The following KRT86 variants were observed in gnomAD, a reference collection of about 807,000 sequenced individuals.
KRT86 encodes the protein keratin, type II cuticular Hb6.
KRT86 carries 30 observed loss-of-function variants against 41.2 expected under a neutral mutation model. The ratio of observed to expected loss-of-function variants is 0.73; its 90% CI spans 0.54 to 0.99. KRT86 has a LOEUF of 0.99. Ranked by LOEUF, KRT86 falls within the 50% of genes least tolerant of loss-of-function variation. The probability of loss-of-function intolerance (pLI) is 0.00; values close to 1 mark genes in which losing one functional copy is unlikely to be tolerated. For missense variants in KRT86, 561 were observed against 571.4 expected (o/e 0.98, Z 0.19); for synonymous variants, 238 against 238.1 (o/e 1.00, Z 0.00).
chr12:52,281,821 C>T (rs1435352742), intron 2 of KRT86, among the ~76,000 whole-genome samples: 2 of 152,210 alleles, frequency 1.3e-5, no homozygotes, highest in Non-Finnish European at 2.9e-5. Context: ...TCACTGCAGC[C>T]TCAACCTCCT....
Position 52,296,787 on chromosome 12 carries a change from C to T in KRT86, c.-4-5126C>T, listed in dbSNP as rs544699557. On this transcript the variant is annotated intron_variant, in intron 2 of 10. Transcript: ENST00000423955. ...ACTTCCTTCACTGGACCCTGGCCTG[C>T]ACCTGCTTTCTATGAGTAGAAAGCA... 2.0e-5 allele frequency among the ~76,000 whole-genome samples: 3 copies of T among 152,338 alleles called. No homozygotes were observed. In the South Asian group the frequency reaches 6.2e-4, roughly 32 times the overall value.
chr12:52,276,882 T>C (rs1291973632), intron 2 of KRT86, among the ~76,000 whole-genome samples: 3 of 152,230 alleles, frequency 2.0e-5, no homozygotes, highest in Non-Finnish European at 4.4e-5. Flanking sequence ...TTTTCTTGCT[T>C]TCTGCAGATG....
chr12:52,307,944 C>T (rs1174473965), intron 9 of KRT86, among the ~76,000 whole-genome samples: 1 of 152,238 alleles, frequency 6.6e-6, no homozygotes, highest in Non-Finnish European at 1.5e-5. Context: ...ATTCAGTCCT[C>T]GCAAGAGATC....
intron 2 of KRT86, among the ~76,000 whole-genome samples, chr12:52,297,971 C>G (rs1202268342): frequency 6.6e-6 from 1 of 152,166 alleles, no homozygotes; most frequent in Non-Finnish European, 1.5e-5. Context: ...TAGGATCAGG[C>G]AAAAATAAAG....
At chr12:52,307,698 AAC>A (rs1486332681) in intron 9 of KRT86, among the ~76,000 whole-genome samples, 3 of 152,210 alleles carry the variant, frequency 2.0e-5, no homozygotes, top group African/African-American at 7.2e-5. Flanking sequence ...TTGTTTATCT[AAC>A]AGTTTTGTAT....
chr12:52,286,310 C>A, intron 2 of KRT86: 2 of 1,554,590 alleles, frequency 1.3e-6, no homozygotes, highest in South Asian at 2.4e-5. Flanking sequence ...GCTGATACCA[C>A]AGGAGCCCAC....
chr12:52,302,177 C>T lies in KRT86; in HGVS notation c.261C>T (p.Leu87=). 1 of 1,388,164 alleles carries T rather than the reference C, an allele frequency of 7.2e-7. No homozygotes were observed. The highest frequency in any genetic ancestry group is 1.3e-5 in the South Asian group (1 of 76,380). The allele number at this position is 1,388,164 out of a possible 1,614,324, so 86.0% of individuals were successfully genotyped here. ...CITTVSVNES[L]LTPLNLEIDP... ...CCACCGTGTCGGTCAACGAGAGCCT[C>T]CTCACGCCCCTCAACCTGGAGATCG... is the stretch of plus-strand genomic sequence containing the variant. Residue 87 remains leucine, a synonymous_variant, in exon 3 of 11, where the codon CTC becomes CTT. Transcript: ENST00000423955.
intron 7 of KRT86, 86 bp from the exon 8 acceptor site, chr12:52,305,577 C>T: frequency 6.2e-7 from 1 of 1,610,326 alleles, no homozygotes; most frequent in South Asian, 1.1e-5. Context: ...AGGCTGAGCA[C>T]TGCACAACCT....
chr12:52,287,373 A>T (rs138190669), intron 2 of KRT86: 1 of 1,606,322 alleles, frequency 6.2e-7, no homozygotes, highest in Non-Finnish European at 8.5e-7. Flanking sequence ...GGTCTCTCTG[A>T]TGCTCATCCA....
At chr12:52,297,319 T>C (rs949387) in intron 2 of KRT86, among the ~76,000 whole-genome samples, 76,979 of 152,068 alleles carry the variant, frequency 0.51, 20,016 homozygotes, top group African/African-American at 0.64. Flanking sequence ...CTCATGAATT[T>C]GGATATGCTC....
chr12:52,304,811 G>A (rs1054805895), intron 5 of KRT86, 121 bp from the exon 6 acceptor site: 69 of 1,088,532 alleles, frequency 6.3e-5, no homozygotes, highest in Non-Finnish European at 9.1e-5. Context: ...GAAGGAGAGG[G>A]CATGGGAATG....
rs763786271 is a variant in KRT86, at chr12:52,305,316, T to G, written c.812T>G (p.Met271Arg). The change falls in exon 7 of 11, where the codon ATG (methionine) becomes AGG (arginine). Residue 271 changes from methionine to arginine, a missense_variant. Physicochemically the swap from Met to Arg is moderately conservative, Grantham distance 91. Around this residue, in one of 3 missense-constraint regions of KRT86, gnomAD observed 397 missense variants for 375.9 expected, o/e 1.06. Transcript: ENST00000423955. The part of the protein sequence containing the change: ...VKLDNSRDLN[M>R]DCIIAEIKAQ... ...CTGGACAACAGCCGGGACCTGAACA[T>G]GGACTGCATCATTGCCGAGATCAAG... is the stretch of plus-strand genomic sequence containing the variant. 2 of 1,614,214 alleles carry G rather than the reference T, an allele frequency of 1.2e-6. No individual in the cohort carries two copies. The highest frequency in any genetic ancestry group is 1.7e-6 in the Non-Finnish European group (2 of 1,180,036).
At chr12:52,282,387 CGTG>C in intron 2 of KRT86, among the ~76,000 whole-genome samples, 1 of 152,262 alleles carries the variant, frequency 6.6e-6, no homozygotes, top group African/African-American at 2.4e-5. Flanking sequence ...CGCCTGCCAC[CGTG>C]ATGGGCTAAT....
chr12:52,289,172 T>A, intron 2 of KRT86: 1 of 231,888 alleles, frequency 4.3e-6, no homozygotes, highest in Non-Finnish European at 7.9e-6. Context: ...TCTGTCATTC[T>A]GAGATCCCAC....
intron 2 of KRT86, among the ~76,000 whole-genome samples, chr12:52,284,324 G>C (rs1297875958): frequency 6.6e-6 from 1 of 152,156 alleles, no homozygotes; most frequent in East Asian, 1.9e-4. Context: ...TAAGTAGCTG[G>C]GACTATAGGT....
intron 2 of KRT86, among the ~76,000 whole-genome samples, chr12:52,292,452 G>A (rs1938150957): frequency 6.6e-6 from 1 of 152,168 alleles, no homozygotes; most frequent in African/African-American, 2.4e-5. Context: ...TCTAGCCCTT[G>A]TATTTTCTAT....
chr12:52,306,036 C>A (rs770042895), intron 8 of KRT86, 24 bp from the exon 9 acceptor site: 7 of 1,613,294 alleles, frequency 4.3e-6, no homozygotes, highest in African/African-American at 1.3e-5. Context: ...CTCTAATCTA[C>A]CTTGTTCTCT....
intron 2 of KRT86, chr12:52,290,962 T>C: frequency 2.7e-6 from 1 of 369,310 alleles, no homozygotes; most frequent in Non-Finnish European, 4.6e-6. Flanking sequence ...TCTGTCTGTG[T>C]GTCTGTGTGC....
At chr12:52,308,327 C>T in intron 10 of KRT86, 63 bp downstream of exon 10, 1 of 1,612,970 alleles carries the variant, frequency 6.2e-7, no homozygotes, top group Non-Finnish European at 8.5e-7. Flanking sequence ...GGGCAAAGGG[C>T]GCGTGGGCTC....
Sources: gnomAD v4.1 joint callset for allele counts (sites outside exome capture counted in the v4.1 genomes callset) on GRCh38, gnomAD v4.1.1 for gene constraint, gnomAD v4.1.1 regional missense constraint, MANE v1.5 for transcripts, NCBI Gene and HGNC (gene_info 2026-07-23, HGNC 2026-07-21) for gene names.